CNTNAP2: variants seen among roughly 807,000 people sequenced by gnomAD.
CNTNAP2 encodes the protein contactin associated protein 2, also known as contactin-associated protein-like 2.
CNTNAP2 carries 98 observed loss-of-function variants against 155.2 expected under a neutral mutation model. The observed-to-expected ratio is 0.63, with a 90% CI of 0.54 to 0.75. CNTNAP2 has a LOEUF of 0.75. Among genes scored for constraint, CNTNAP2 ranks in the 30% least tolerant of loss-of-function variants. The probability of loss-of-function intolerance (pLI) is 0.00; values close to 1 mark genes in which losing one functional copy is unlikely to be tolerated. For synonymous variants in CNTNAP2, 651 were observed against 631.2 expected, an observed-to-expected ratio of 1.03 and a Z score of -0.47; for missense variants, 1,727 against 1,688.1, an observed-to-expected ratio of 1.02 and a Z score of -0.40.
chr7:148,198,472 T>C (rs76075329), intron 18 of CNTNAP2, among the ~76,000 whole-genome samples: 2,944 of 152,262 alleles, frequency 0.019, 85 homozygotes, highest in African/African-American at 0.067. Context: ...TTTTTCCTAA[T>C]GGTTAAGCTA....
At chr7:147,727,582 C>A (rs1350630712) in intron 13 of CNTNAP2, among the ~76,000 whole-genome samples, 10 of 151,744 alleles carry the variant, frequency 6.6e-5, no homozygotes, top group African/African-American at 2.4e-4. Context: ...TTATATATCC[C>A]ATCATATTTT....
intron 15 of CNTNAP2, among the ~76,000 whole-genome samples, chr7:148,052,772 G>A (rs547037439): frequency 2.6e-5 from 4 of 152,214 alleles, no homozygotes; most frequent in Admixed American, 6.5e-5. Flanking sequence ...CCTAGGCCAG[G>A]CACAGTGGCT....
chr7:146,426,185 C>CAAAAAAAA (rs57484419), intron 1 of CNTNAP2, among the ~76,000 whole-genome samples: 573 of 54,442 alleles, frequency 0.011, 16 homozygotes, highest in Admixed American at 0.021. Flanking sequence ...GACTTCGCCT[C>CAAAAAAAA]AAAAAAAAAA....
At chr7:147,563,878 G>C (rs1800115685) in intron 12 of CNTNAP2, among the ~76,000 whole-genome samples, 1 of 152,094 alleles carries the variant, frequency 6.6e-6, no homozygotes, top group Non-Finnish European at 1.5e-5. Flanking sequence ...CTCTAGGCAA[G>C]CAGACACCAG....
At chr7:147,701,503 C>T (rs199930921) in intron 13 of CNTNAP2, among the ~76,000 whole-genome samples, 2 of 152,094 alleles carry the variant, frequency 1.3e-5, no homozygotes, top group Non-Finnish European at 2.9e-5. Context: ...GTCATTGATA[C>T]ATTTTATTAA....
intron 15 of CNTNAP2, among the ~76,000 whole-genome samples, chr7:148,111,919 G>C (rs1430498075): frequency 6.6e-6 from 1 of 152,174 alleles, no homozygotes; most frequent in Non-Finnish European, 1.5e-5. Context: ...TGTAGACCTA[G>C]GAAGTGGATG....
chr7:147,238,348 A>G (rs1480683935), intron 8 of CNTNAP2, among the ~76,000 whole-genome samples: 1 of 152,018 alleles, frequency 6.6e-6, no homozygotes, highest in Non-Finnish European at 1.5e-5. Flanking sequence ...AGGGTCTACT[A>G]CTATGATTGT....
At chr7:147,601,645 ATATATATATATATATAT>A (rs1800947968) in intron 12 of CNTNAP2, among the ~76,000 whole-genome samples, 2 of 128,266 alleles carry the variant, frequency 1.6e-5, no homozygotes, top group African/African-American at 6.0e-5. Flanking sequence ...TTAAAAAAAA[ATATATATATATATATAT>A]ATATATATAT....
At chr7:146,490,949 A>T (rs1797129577) in intron 1 of CNTNAP2, among the ~76,000 whole-genome samples, 1 of 152,322 alleles carries the variant, frequency 6.6e-6, no homozygotes, top group Non-Finnish European at 1.5e-5. Context: ...TTATGTAATT[A>T]TACCAATGGA....
At chr7:148,088,214 G>T (rs1386466134) in intron 15 of CNTNAP2, among the ~76,000 whole-genome samples, 1 of 151,866 alleles carries the variant, frequency 6.6e-6, no homozygotes, top group Admixed American at 6.6e-5. Flanking sequence ...GACCTTCATT[G>T]ATATTTCTTT....
intron 1 of CNTNAP2, among the ~76,000 whole-genome samples, chr7:146,352,597 G>A (rs1398278939): frequency 6.6e-6 from 1 of 151,536 alleles, no homozygotes; most frequent in Non-Finnish European, 1.5e-5. Context: ...TCGGCCCATG[G>A]CTTACTCCTT....
intron 8 of CNTNAP2, among the ~76,000 whole-genome samples, chr7:147,249,822 T>C (rs965257241): frequency 1.3e-5 from 2 of 152,094 alleles, no homozygotes; most frequent in African/African-American, 4.8e-5. Context: ...TTCCGTGCTC[T>C]TTGCTGGAGG....
chr7:146,735,141 A>G (rs1483159402), intron 1 of CNTNAP2, among the ~76,000 whole-genome samples: 1 of 152,222 alleles, frequency 6.6e-6, no homozygotes, highest in Non-Finnish European at 1.5e-5. Flanking sequence ...TACAGAAAGC[A>G]TACATCTTTT....
At chr7:147,736,223 A>T (rs1796840876) in intron 13 of CNTNAP2, among the ~76,000 whole-genome samples, 2 of 151,818 alleles carry the variant, frequency 1.3e-5, no homozygotes, top group African/African-American at 4.8e-5. Context: ...CCTGGTGGTG[A>T]CAAAATCTCT....
At chr7:147,978,164 C>G in intron 15 of CNTNAP2, 175 bp downstream of exon 15, 3 of 833,094 alleles carry the variant, frequency 3.6e-6, no homozygotes, top group Non-Finnish European at 5.7e-6. Context: ...GCCTCCAGTA[C>G]AGGAGCCGAG....
chr7:146,692,399 T>C (rs1227468557), intron 1 of CNTNAP2, among the ~76,000 whole-genome samples: 6 of 152,166 alleles, frequency 3.9e-5, no homozygotes, highest in African/African-American at 1.4e-4. Flanking sequence ...AGTTATCCTG[T>C]TGGAAACTGC....
At chr7:146,562,071 G>A (rs1425277129) in intron 1 of CNTNAP2, among the ~76,000 whole-genome samples, 6 of 152,146 alleles carry the variant, frequency 3.9e-5, no homozygotes, top group Admixed American at 3.9e-4. Flanking sequence ...ATTACAGCAT[G>A]AGCCGCTGCA....
At chr7:146,959,831 G>A (rs953491787) in intron 3 of CNTNAP2, among the ~76,000 whole-genome samples, 1 of 152,072 alleles carries the variant, frequency 6.6e-6, no homozygotes, top group African/African-American at 2.4e-5. Context: ...AGAAGGATAA[G>A]GTCAAATGCA....
chr7:146,477,197 C>T (rs977565574), intron 1 of CNTNAP2, among the ~76,000 whole-genome samples: 10 of 152,138 alleles, frequency 6.6e-5, no homozygotes, highest in Non-Finnish European at 1.5e-4. Context: ...TGAACCACTA[C>T]CTAGTCATGA....
Sources: allele counts gnomAD v4.1 joint callset (sites outside exome capture counted in the v4.1 genomes callset), GRCh38; gene constraint gnomAD v4.1.1; transcripts MANE v1.5; gene names NCBI Gene and HGNC (gene_info 2026-07-23, HGNC 2026-07-21).